RARB: variants seen among roughly 807,000 people sequenced by gnomAD.
RARB encodes HBV-activated protein.
Under a neutral mutation model 51.9 loss-of-function variants are expected in RARB, and 17 were observed. The observed-to-expected ratio is 0.33, with a 90% CI of 0.22 to 0.49. The LOEUF (loss-of-function observed/expected upper bound fraction) is 0.49. Ranked by LOEUF, RARB falls within the 20% of genes least tolerant of loss-of-function variation. RARB has a pLI of 0.99. For synonymous variants in RARB, 215 were observed against 195.4 expected, an observed-to-expected ratio of 1.10 and a Z score of -0.84; for missense variants, 369 against 550.8, an observed-to-expected ratio of 0.67 and a Z score of 3.30.
At chr3:25,392,910 G>A (rs1468873771) in intron 5 of RARB, among the ~76,000 whole-genome samples, 1 of 151,976 alleles carries the variant, frequency 6.6e-6, no homozygotes, top group East Asian at 1.9e-4. Flanking sequence ...CTCTGGCTAG[G>A]ACTTCCAGTA....
chr3:24,945,203 A>G (rs17015510), intron 2 of RARB, among the ~76,000 whole-genome samples: 2,309 of 152,316 alleles, frequency 0.015, 64 homozygotes, highest in African/African-American at 0.052. Context: ...CGCTTTAGAC[A>G]TAAAGAGTTT....
At chr3:25,399,154 G>A (rs959651179) in intron 5 of RARB, among the ~76,000 whole-genome samples, 1 of 152,148 alleles carries the variant, frequency 6.6e-6, no homozygotes, top group Non-Finnish European at 1.5e-5. Context: ...TTCTAGCTCC[G>A]TGTATCACTA....
At chr3:25,238,150 G>T (rs322719) in intron 5 of RARB, among the ~76,000 whole-genome samples, 53 of 151,786 alleles carry the variant, frequency 3.5e-4, no homozygotes, top group African/African-American at 1.1e-3. Flanking sequence ...ATCCTCCAGC[G>T]CCCCCCCACA....
chr3:24,860,584 C>T (rs944454309), intron 2 of RARB, among the ~76,000 whole-genome samples: 9 of 152,110 alleles, frequency 5.9e-5, no homozygotes, highest in Non-Finnish European at 1.2e-4. Context: ...CTCTTACTCT[C>T]TATACACACA....
At chr3:24,983,586 A>G (rs574758768) in intron 2 of RARB, among the ~76,000 whole-genome samples, 3 of 152,042 alleles carry the variant, frequency 2.0e-5, no homozygotes, top group South Asian at 2.1e-4. Context: ...CCCTGTGTCC[A>G]TGGGTTCTCG....
intron 2 of RARB, among the ~76,000 whole-genome samples, chr3:25,461,642 C>G (rs2125556069): frequency 6.6e-6 from 1 of 152,252 alleles, no homozygotes; most frequent in South Asian, 2.1e-4. Flanking sequence ...CGCCTGTAAT[C>G]CCAGCACTTT....
At chr3:25,066,800 C>A (rs1352306538) in intron 3 of RARB, among the ~76,000 whole-genome samples, 1 of 151,768 alleles carries the variant, frequency 6.6e-6, no homozygotes, top group Admixed American at 6.6e-5. Context: ...CCATATTATA[C>A]TCCTTTGTCC....
At chr3:24,988,079 G>A (rs1696833036) in intron 2 of RARB, among the ~76,000 whole-genome samples, 1 of 152,082 alleles carries the variant, frequency 6.6e-6, no homozygotes, top group South Asian at 2.1e-4. Flanking sequence ...ACGCTTGCTA[G>A]ATGTAATTGT....
chr3:25,461,393 A>G, intron 2 of RARB, 52 bp downstream of exon 2: 1 of 1,585,780 alleles, frequency 6.3e-7, no homozygotes, highest in East Asian at 2.3e-5. Context: ...CATGTACTTT[A>G]TGGAGGTGAC....
intron 2 of RARB, among the ~76,000 whole-genome samples, chr3:25,008,171 C>T (rs769818877): frequency 2.6e-5 from 4 of 152,094 alleles, no homozygotes; most frequent in African/African-American, 4.8e-5. Flanking sequence ...AACAGTGTTT[C>T]GTTTGGGCAG....
intron 5 of RARB, among the ~76,000 whole-genome samples, chr3:25,401,259 C>G (rs1259056314): frequency 6.6e-6 from 1 of 152,186 alleles, no homozygotes; most frequent in African/African-American, 2.4e-5. Context: ...CTCCAGTCAG[C>G]TGAGCCCTTG....
chr3:25,040,887 C>T (rs529981286), intron 2 of RARB, among the ~76,000 whole-genome samples: 5 of 152,288 alleles, frequency 3.3e-5, no homozygotes, highest in African/African-American at 4.8e-5. Context: ...AGGTCTGTCT[C>T]GAGTCCTATA....
intron 2 of RARB, among the ~76,000 whole-genome samples, chr3:24,860,622 T>G (rs1362271950): frequency 1.3e-5 from 2 of 151,928 alleles, no homozygotes; most frequent in Non-Finnish European, 2.9e-5. Context: ...GCATGCTGAT[T>G]GAAGAAAAAA....
chr3:25,356,914 T>C (rs1333574614), intron 5 of RARB, among the ~76,000 whole-genome samples: 1 of 152,202 alleles, frequency 6.6e-6, no homozygotes, highest in African/African-American at 2.4e-5. Context: ...CAGTCTAACA[T>C]TGATGGGCAT....
At chr3:25,423,932 C>T (rs530398598), upstream of RARB, among the ~76,000 whole-genome samples, 2 of 152,304 alleles carry the variant, frequency 1.3e-5, no homozygotes, top group Admixed American at 1.3e-4. Context: ...CCAACCGAAA[C>T]TGTTGGGCTT....
intron 2 of RARB, among the ~76,000 whole-genome samples, chr3:25,056,200 C>T (rs1318327661): frequency 6.6e-6 from 1 of 152,024 alleles, no homozygotes; most frequent in African/African-American, 2.4e-5. Flanking sequence ...ATTAGGAAAA[C>T]AAATCAGAAG....
In RARB at chr3:25,593,607, TCTGA is replaced by T; in HGVS notation, c.897_900del (p.Asp300LeufsTer27). On this transcript the variant is annotated frameshift_variant, in exon 6 of 8. Transcript: ENST00000330688. LOFTEE classifies it high-confidence loss of function. ...AGATGCACAATGCTGGATTTGGTCC[TCTGA>T]CTGACCTTGTGTTCACCTTTGCCAA... The T allele has an allele frequency of 1.2e-6, 2 of 1,614,130 alleles. No homozygotes were observed. The highest frequency in any genetic ancestry group is 1.7e-6 in the Non-Finnish European group (2 of 1,179,990).
chr3:25,453,435 T>TG (rs2125544773), intron 1 of RARB, among the ~76,000 whole-genome samples: 1 of 151,980 alleles, frequency 6.6e-6, no homozygotes, highest in Admixed American at 6.6e-5. Context: ...TTAGTAGAGA[T>TG]GGGGTTTCTC....
intron 1 of RARB, 22 bp from the exon 2 acceptor site, chr3:25,461,171 C>A: frequency 1.3e-6 from 2 of 1,544,482 alleles, no homozygotes; most frequent in Non-Finnish European, 1.7e-6. Context: ...TTTTTTCTCC[C>A]TCTACCCCAT....
Sources: gnomAD v4.1 joint callset for allele counts (sites outside exome capture counted in the v4.1 genomes callset) on GRCh38, gnomAD v4.1.1 for gene constraint, MANE v1.5 for transcripts, NCBI Gene and HGNC (gene_info 2026-07-23, HGNC 2026-07-21) for gene names.